ARHGAP8: variants seen among roughly 807,000 people sequenced by gnomAD.
ARHGAP8 encodes the protein Rho GTPase activating protein 8, also known as rho GTPase-activating protein 8.
In ARHGAP8, 62 loss-of-function variants were observed where a neutral mutation model predicts 46.1. The observed-to-expected ratio is 1.34, with a 90% CI of 1.10 to 1.66. ARHGAP8 has a LOEUF of 1.66. ARHGAP8 is among the 40% of genes most tolerant of loss of function. The pLI is 0.00. For synonymous variants in ARHGAP8, 375 were observed against 243.1 expected (o/e 1.54, Z -5.05); for missense variants, 923 against 568.4 (o/e 1.62, Z -6.34).
chr22:44,817,782 G>A (rs1569160435), intron 5 of ARHGAP8, among the ~76,000 whole-genome samples: 2 of 152,108 alleles, frequency 1.3e-5, no homozygotes, highest in African/African-American at 2.4e-5. Context: ...ACTCCAGTCT[G>A]GGTGACAAGA....
chr22:44,818,631 CATTCCATTGTCATAAT>C (rs1438559779), intron 5 of ARHGAP8, among the ~76,000 whole-genome samples: 1 of 152,176 alleles, frequency 6.6e-6, no homozygotes, highest in African/African-American at 2.4e-5. Flanking sequence ...CTATTTAAGT[CATTCCATTGTCATAAT>C]AATTCACTGA....
At chr22:44,822,248 A>C (rs1431783755) in intron 5 of ARHGAP8, 123 bp from the exon 6 acceptor site, 1 of 787,996 alleles carries the variant, frequency 1.3e-6, no homozygotes, top group African/African-American at 1.8e-5. Context: ...GTCAGCGTTT[A>C]CATTTTCTTA....
intron 5 of ARHGAP8, among the ~76,000 whole-genome samples, chr22:44,817,700 A>C (rs1419092383): frequency 1.3e-5 from 2 of 152,152 alleles, no homozygotes; most frequent in Non-Finnish European, 2.9e-5. Flanking sequence ...GCTACTCAGG[A>C]AGCTGAGGCA....
At chr22:44,838,807 A>G (rs1430499986) in intron 7 of ARHGAP8, among the ~76,000 whole-genome samples, 2 of 152,232 alleles carry the variant, frequency 1.3e-5, no homozygotes, top group Non-Finnish European at 2.9e-5. Flanking sequence ...CATCTGTGAC[A>G]TGGACCACCT....
intron 1 of ARHGAP8, among the ~76,000 whole-genome samples, chr22:44,781,602 C>A (rs1387276195): frequency 6.6e-6 from 1 of 152,196 alleles, no homozygotes; most frequent in Non-Finnish European, 1.5e-5. Flanking sequence ...CAGCTCACTG[C>A]AGCCTCCGGC....
At chr22:44,801,766 C>T (rs980236711) in intron 2 of ARHGAP8, 1 of 340,988 alleles carries the variant, frequency 2.9e-6, no homozygotes, top group East Asian at 5.7e-5. Context: ...AGATGCGTCT[C>T]GATTTAAGTC....
chr22:44,787,939 TTC>T lies in ARHGAP8; in HGVS notation c.79+1334_79+1335del, dbSNP rs72526950. ...ATGTCCTTTTTTTTTTTTTTTTTTTTTCCCCCCAAATGTCCTTTTAAGAAAAC... is the reference window on the plus strand; with the variant it reads ...ATGTCCTTTTTTTTTTTTTTTTTTTTCCCCCAAATGTCCTTTTAAGAAAAC... On this transcript the variant is annotated intron_variant, in intron 2 of 11. Transcript: ENST00000356099. 6.3e-3 allele frequency among the ~76,000 whole-genome samples: 856 copies of T among 136,284 alleles called. 5 individuals are homozygous for T. Among genetic ancestry groups the T allele is most frequent in the African/African-American group, 0.022 (776 of 35,564 alleles). The allele number at this position is 136,284 out of a possible 152,430, so 89.4% of individuals were successfully genotyped here.
chr22:44,784,115 A>AAG (rs1318311973), intron 1 of ARHGAP8, among the ~76,000 whole-genome samples: 1 of 152,228 alleles, frequency 6.6e-6, no homozygotes, highest in African/African-American at 2.4e-5. Context: ...ATAAAAAAAA[A>AAG]GTACACTGCC....
intron 1 of ARHGAP8, among the ~76,000 whole-genome samples, chr22:44,763,797 CTTTTCTTTTTT>C (rs1216065391): frequency 8.5e-6 from 1 of 117,220 alleles, no homozygotes; most frequent in Non-Finnish European, 1.8e-5. Flanking sequence ...TTTTCTTTTT[CTTTTCTTTTTT>C]TTTTTTTTTT....
intron 8 of ARHGAP8, among the ~76,000 whole-genome samples, chr22:44,846,742 G>A (rs894751188): frequency 3.5e-4 from 53 of 152,194 alleles, no homozygotes; most frequent in African/African-American, 1.3e-3. Context: ...TTCGCTACGT[G>A]CCTCCCTCGT....
At chr22:44,846,958 C>T (rs949549177) in intron 8 of ARHGAP8, among the ~76,000 whole-genome samples, 2 of 152,182 alleles carry the variant, frequency 1.3e-5, no homozygotes, top group African/African-American at 4.8e-5. Context: ...CTGGCCATGC[C>T]GTGTGACAGA....
rs114453650 is a variant in ARHGAP8 at position 44,859,671 on chromosome 22, G to T, written c.878-60G>T. 3.8e-6 allele frequency: 6 copies of T among 1,582,494 alleles called. No individual in the cohort carries two copies. The East Asian group carries it at 1.1e-4, about 30-fold the overall frequency. On this transcript the variant is annotated intron_variant, in intron 10 of 11. Coordinates refer to ENST00000356099, the MANE Select transcript of ARHGAP8 (RefSeq NM_181335.3). ...TACACCCCTGTTCTCCTCCCGGGCC[G>T]GGATGCAGCGCTGCCCCTGGCCCCT...
At chr22:44,804,199 C>T (rs1012390654) in intron 3 of ARHGAP8, among the ~76,000 whole-genome samples, 1 of 152,166 alleles carries the variant, frequency 6.6e-6, no homozygotes. Flanking sequence ...TGGCCTTGGG[C>T]GCCCTGTCAT....
intron 1 of ARHGAP8, among the ~76,000 whole-genome samples, chr22:44,781,785 G>A (rs930452680): frequency 2.0e-5 from 3 of 152,028 alleles, no homozygotes; most frequent in African/African-American, 4.8e-5. Context: ...TCAGCCACCC[G>A]AAGTGCTGGG....
At chr22:44,854,873 T>C (rs1705629618) in intron 10 of ARHGAP8, among the ~76,000 whole-genome samples, 2 of 152,360 alleles carry the variant, frequency 1.3e-5, no homozygotes, top group South Asian at 2.1e-4. Context: ...CTTGAGCTCC[T>C]GACCTCAGGT....
intron 1 of ARHGAP8, among the ~76,000 whole-genome samples, chr22:44,759,462 G>A (rs1291670588): frequency 6.6e-6 from 1 of 152,192 alleles, no homozygotes; most frequent in African/African-American, 2.4e-5. Context: ...CAAAGTCAAG[G>A]GGGGTGCATT....
intron 1 of ARHGAP8, among the ~76,000 whole-genome samples, chr22:44,760,035 C>T (rs904692806): frequency 6.6e-6 from 1 of 152,190 alleles, no homozygotes; most frequent in African/African-American, 2.4e-5. Flanking sequence ...TTTCAGGGTG[C>T]TGAAGGTTTC....
chr22:44,779,564 A>ATTTTTTT (rs132489), intron 1 of ARHGAP8, among the ~76,000 whole-genome samples: 4 of 126,266 alleles, frequency 3.2e-5, no homozygotes, highest in African/African-American at 9.1e-5. Context: ...CAGTTTGAGG[A>ATTTTTTT]TTTTTTTTTT....
intron 4 of ARHGAP8, among the ~76,000 whole-genome samples, chr22:44,813,784 TAC>T (rs969402731): frequency 3.1e-5 from 4 of 130,808 alleles, no homozygotes; most frequent in African/African-American, 8.4e-5. Flanking sequence ...TACATACACC[TAC>T]ACACACATAC....
Sources: allele counts gnomAD v4.1 joint callset (sites outside exome capture counted in the v4.1 genomes callset), GRCh38; gene constraint gnomAD v4.1.1; transcripts MANE v1.5; gene names NCBI Gene and HGNC (gene_info 2026-07-23, HGNC 2026-07-21).